The following GSN variants were observed in gnomAD, a reference collection of about 807,000 sequenced individuals.
The protein encoded by GSN is actin-depolymerizing factor.
GSN carries 56 observed loss-of-function variants against 85.7 expected under a neutral mutation model. That is an observed-to-expected ratio of 0.65 (90% CI 0.53 to 0.82). The LOEUF is 0.82. Among genes scored for constraint, GSN ranks in the 40% least tolerant of loss-of-function variants. GSN has a pLI of 0.00. For synonymous variants in GSN, 373 were observed against 399.1 expected (o/e 0.93, Z 0.78); for missense variants, 857 against 979.8 (o/e 0.87, Z 1.67).
At chr9:121,270,667 G>T (rs2055805264) in intron 1 of GSN, among the ~76,000 whole-genome samples, 1 of 152,074 alleles carries the variant, frequency 6.6e-6, no homozygotes, top group African/African-American at 2.4e-5. Context: ...TTTCCCCAGA[G>T]GTCGCCACTG....
In GSN at chr9:121,299,690, GT is replaced by G. The variant is rs945341850; in HGVS notation, c.-9-2272del. On this transcript the variant is annotated intron_variant, in intron 2 of 17. Coordinates refer to ENST00000432226, the MANE Select transcript of GSN (RefSeq NM_198252.3). The surrounding 1 kb of genome is among the most constrained non-coding windows in gnomAD (Gnocchi z 4.2). Reference sequence around the variant, plus strand: ...TGGGGTGCAGGGGCTGCCGCGCCCTGTCGGGTCGATCCGGGTGGGAACCCAG... The same window carrying G: ...TGGGGTGCAGGGGCTGCCGCGCCCTGCGGGTCGATCCGGGTGGGAACCCAG... 4 of 838,908 alleles carry G rather than the reference GT, an allele frequency of 4.8e-6. No homozygotes were observed. In the African/African-American group the frequency reaches 7.2e-5, roughly 15 times the overall value. 52.0% of individuals were successfully genotyped at this position (838,908 alleles called of 1,614,324 possible).
chr9:121,298,343 T>A (rs2059410907), intron 2 of GSN, among the ~76,000 whole-genome samples: 1 of 152,236 alleles, frequency 6.6e-6, no homozygotes, highest in African/African-American at 2.4e-5. Context: ...CACAAGTCCC[T>A]TTCTCCACGA....
intron 4 of GSN, among the ~76,000 whole-genome samples, chr9:121,230,867 C>A (rs931200268): frequency 2.0e-5 from 3 of 152,142 alleles, no homozygotes; most frequent in Non-Finnish European, 4.4e-5. Flanking sequence ...CTTAAAGACC[C>A]TCGCCCACCC....
At chr9:121,222,062 T>G (rs1399521726) in intron 4 of GSN, 1 of 151,934 alleles carries the variant, frequency 6.6e-6, no homozygotes, top group African/African-American at 2.4e-5. Flanking sequence ...GAAAGTCTCC[T>G]GTTCTGTCTT....
intron 2 of GSN, among the ~76,000 whole-genome samples, chr9:121,291,382 G>A (rs962799632): frequency 3.3e-5 from 5 of 151,392 alleles, no homozygotes; most frequent in African/African-American, 1.2e-4. Flanking sequence ...GGATAGGGAG[G>A]GACAACTATT....
chr9:121,318,961 G>T lies in GSN; in HGVS notation c.1191+81G>T, dbSNP rs1564553332. ...CACTGCCTCTTGCTTCCCCAAGGAG[G>T]TTTCTCTCTGAGGTTTGCACAACTT... On this transcript the variant is annotated intron_variant, in intron 10 of 17. Coordinates refer to ENST00000432226, the MANE Select transcript of GSN (RefSeq NM_198252.3). This position sits in a 1 kb window ranked among gnomAD's most constrained non-coding sequence, Gnocchi z 4.3. The T allele has an allele frequency of 8.6e-7, 1 of 1,168,828 alleles. No individual in the cohort carries two copies. Among genetic ancestry groups the T allele is most frequent in the Non-Finnish European group, 1.3e-6 (1 of 785,362 alleles). 72.4% of individuals were successfully genotyped at this position (1,168,828 alleles called of 1,614,324 possible).
rs188607339 is a variant in GSN, at chr9:121,320,537, C to T, written c.1192-731C>T. Among the ~76,000 whole-genome samples, 282 of 151,856 alleles carry T rather than the reference C, an allele frequency of 1.9e-3. 2 individuals are homozygous for T. Among genetic ancestry groups the T allele is most frequent in the African/African-American group, 6.4e-3 (267 of 41,404 alleles). Reference sequence around the variant, plus strand: ...GCAGGCACCTGTAATCCCAGCTACTCGGGAGGCTGAGACAGAAAAATTGAT... The same window carrying T: ...GCAGGCACCTGTAATCCCAGCTACTTGGGAGGCTGAGACAGAAAAATTGAT... On this transcript the variant is annotated intron_variant, in intron 10 of 17. Transcript: ENST00000432226.
In GSN at chr9:121,289,430, C is replaced by G. The variant is rs567616614; in HGVS notation, c.-10+7868C>G. Among the ~76,000 whole-genome samples the G allele has an allele frequency of 2.0e-5, 3 of 152,298 alleles. No individual in the cohort carries two copies. The South Asian group carries it at 6.2e-4, about 32-fold the overall frequency. On this transcript the variant is annotated intron_variant, in intron 2 of 17. Coordinates refer to ENST00000432226, the MANE Select transcript of GSN (RefSeq NM_198252.3). Reference sequence around the variant, plus strand: ...CCTCTAAGCTGTCCTCCCTCCGCTCCCCTCCCTGCCTGCTGGTGCTGGCTG... The same window carrying G: ...CCTCTAAGCTGTCCTCCCTCCGCTCGCCTCCCTGCCTGCTGGTGCTGGCTG...
chr9:121,303,474 G>C (rs1482272804), intron 4 of GSN, among the ~76,000 whole-genome samples: 1 of 152,198 alleles, frequency 6.6e-6, no homozygotes, highest in Non-Finnish European at 1.5e-5. Context: ...GTATTTAATA[G>C]GGCATTGTTA....
intron 6 of GSN, among the ~76,000 whole-genome samples, chr9:121,257,224 T>C (rs931651694): frequency 6.6e-6 from 1 of 152,208 alleles, no homozygotes; most frequent in African/African-American, 2.4e-5. Flanking sequence ...AAAAGTATGA[T>C]AATTAATAGT....
chr9:121,312,553 G>A (rs2061284290), intron 6 of GSN, 65 bp downstream of exon 6: 2 of 1,276,860 alleles, frequency 1.6e-6, no homozygotes, highest in Admixed American at 2.5e-5. Context: ...CTTCTGTTCA[G>A]TAGGCAATTT....
intron 1 of GSN, among the ~76,000 whole-genome samples, chr9:121,277,792 G>A (rs2056853591): frequency 6.6e-6 from 1 of 152,184 alleles, no homozygotes; most frequent in Non-Finnish European, 1.5e-5. Context: ...TTATACTTGA[G>A]ATTATAAACA....
chr9:121,303,783 G>C (rs1429183442), intron 4 of GSN, among the ~76,000 whole-genome samples: 1 of 152,162 alleles, frequency 6.6e-6, no homozygotes, highest in African/African-American at 2.4e-5. Context: ...TGGCCATCTG[G>C]AAGGGCTATG....
intron 14 of GSN, 43 bp downstream of exon 14, chr9:121,327,525 T>C: frequency 6.7e-7 from 1 of 1,485,090 alleles, no homozygotes; most frequent in South Asian, 1.2e-5. Context: ...CGGATGCAGC[T>C]ATTAAGTTTC....
chr9:121,202,745 C>T, the GSN span, among the ~76,000 whole-genome samples: 2 of 152,280 alleles, frequency 1.3e-5, no homozygotes, highest in Non-Finnish European at 2.9e-5. Context: ...TATTTTACAA[C>T]TGCATTGATA....
chr9:121,322,152 A>G lies in GSN; in HGVS notation c.1325+751A>G, dbSNP rs920808869. Among the ~76,000 whole-genome samples, 4 of 151,936 alleles carry G rather than the reference A, an allele frequency of 2.6e-5. No individual in the cohort carries two copies. In the East Asian group the frequency reaches 7.7e-4, roughly 29 times the overall value. ...TCCCACCCCTGTCCCTCTCTACCCCATTCTCCAGACCCCACCCCTTCTTGG... is the reference window on the plus strand; with the variant it reads ...TCCCACCCCTGTCCCTCTCTACCCCGTTCTCCAGACCCCACCCCTTCTTGG... On this transcript the variant is annotated intron_variant, in intron 11 of 17. Transcript: ENST00000432226.
At chr9:121,298,076 C>T (rs1458838932) in intron 2 of GSN, among the ~76,000 whole-genome samples, 5 of 152,120 alleles carry the variant, frequency 3.3e-5, no homozygotes, top group Non-Finnish European at 5.9e-5. Flanking sequence ...ACTTGGAGCC[C>T]GGAGAACTCA....
At chr9:121,263,149 G>A (rs552156140), upstream of GSN, among the ~76,000 whole-genome samples, 2 of 152,200 alleles carry the variant, frequency 1.3e-5, no homozygotes, top group South Asian at 2.1e-4. Flanking sequence ...TCTTGGTGGA[G>A]GGAGAAGGAA....
intron 4 of GSN, among the ~76,000 whole-genome samples, chr9:121,307,136 G>A (rs1016114642): frequency 2.0e-5 from 3 of 151,948 alleles, no homozygotes; most frequent in East Asian, 3.9e-4. Flanking sequence ...AGCCGAGATC[G>A]TACCACTGCA....
Sources: gnomAD v4.1 joint callset for allele counts (sites outside exome capture counted in the v4.1 genomes callset) on GRCh38, gnomAD v4.1.1 for gene constraint, Gnocchi (gnomAD v3.1) non-coding constraint, MANE v1.5 for transcripts, NCBI Gene and HGNC (gene_info 2026-07-23, HGNC 2026-07-21) for gene names.